The following RNF150 variants were observed in gnomAD, a reference collection of about 807,000 sequenced individuals.
The protein encoded by RNF150 is ring finger protein 150.
Under a neutral mutation model 39.3 loss-of-function variants are expected in RNF150, and 24 were observed. The observed-to-expected ratio is 0.61, with a 90% CI of 0.44 to 0.86. RNF150 has a LOEUF of 0.86. Among genes scored for constraint, RNF150 ranks in the 40% least tolerant of loss-of-function variants. The pLI is 0.00. For synonymous variants in RNF150, 255 were observed against 227.3 expected, an observed-to-expected ratio of 1.12 and a Z score of -1.10; for missense variants, 502 against 587.8, an observed-to-expected ratio of 0.85 and a Z score of 1.51.
At chr4:140,880,654 T>C (rs188536844) in intron 6 of RNF150, among the ~76,000 whole-genome samples, 2 of 151,946 alleles carry the variant, frequency 1.3e-5, no homozygotes, top group Admixed American at 1.3e-4. Flanking sequence ...TTTTTGTTTG[T>C]TTGTTTGTTT....
At position 141,189,673 on chromosome 4, in the gene RNF150, C is replaced by T. The variant is rs571663880; in HGVS notation, c.-6+23121G>A. On this transcript the variant is annotated intron_variant, in intron 1 of 7. Transcript: ENST00000420921. ...TGTGGTGGGTTCCAGCCAGTCCGAA[C>T]TTCTCAGTGGCTGCGTTTACACTGT... 2.4e-4 allele frequency among the ~76,000 whole-genome samples: 36 copies of T among 152,284 alleles called. No homozygotes were observed. In the South Asian group the frequency reaches 7.2e-3, roughly 31 times the overall value.
At chr4:141,000,068 GAAGAAGAAGAAGAAGAAGGAGA>G (rs1734595620) in intron 1 of RNF150, among the ~76,000 whole-genome samples, 4 of 95,220 alleles carry the variant, frequency 4.2e-5, no homozygotes, top group African/African-American at 1.2e-4. Context: ...AGAAGAAGAA[GAAGAAGAAGAAGAAGAAGGAGA>G]AGAAGAAGAA....
chr4:141,039,352 G>GA (rs1342824668), intron 1 of RNF150, among the ~76,000 whole-genome samples: 7 of 150,748 alleles, frequency 4.6e-5, no homozygotes, highest in Non-Finnish European at 1.5e-5. Context: ...GGTAGAGAAA[G>GA]AAAGGGGAGG....
chr4:141,052,928 G>A (rs981857511), intron 1 of RNF150, among the ~76,000 whole-genome samples: 1 of 152,116 alleles, frequency 6.6e-6, no homozygotes, highest in African/African-American at 2.4e-5. Flanking sequence ...CCATTTGGTG[G>A]ATCATTTTTG....
At chr4:141,042,193 C>T (rs1005527548) in intron 1 of RNF150, among the ~76,000 whole-genome samples, 1 of 152,024 alleles carries the variant, frequency 6.6e-6, no homozygotes, top group African/African-American at 2.4e-5. Context: ...GAATCAGATT[C>T]AATTTACTTA....
chr4:140,935,462 C>T (rs1482158618), intron 4 of RNF150, among the ~76,000 whole-genome samples: 1 of 152,068 alleles, frequency 6.6e-6, no homozygotes, highest in African/African-American at 2.4e-5. Flanking sequence ...GGGATCAGGA[C>T]ATTTGAAGCC....
intron 1 of RNF150, among the ~76,000 whole-genome samples, chr4:140,973,329 C>A (rs1290792341): frequency 6.6e-6 from 1 of 152,024 alleles, no homozygotes; most frequent in Non-Finnish European, 1.5e-5. Flanking sequence ...GACAATGTCA[C>A]CATGTCTGTT....
In RNF150 at chr4:140,958,789, A is replaced by C. The variant is rs1183348404; in HGVS notation, c.735+8834T>G. Among the ~76,000 whole-genome samples the C allele has an allele frequency of 2.6e-5, 4 of 152,270 alleles. No homozygotes were observed. In the East Asian group the frequency reaches 5.8e-4, roughly 22 times the overall value. ...GATGGGCTATTTTCTTAAAGTACTC[A>C]TCCAGGGGCATGATCAGGGCTGGTG... On this transcript the variant is annotated intron_variant, in intron 2 of 6. Coordinates refer to ENST00000515673, the MANE Select transcript of RNF150 (RefSeq NM_020724.2).
intron 1 of RNF150, among the ~76,000 whole-genome samples, chr4:141,120,367 T>C (rs79437854): frequency 6.5e-4 from 99 of 152,188 alleles, no homozygotes; most frequent in African/African-American, 2.4e-3. Flanking sequence ...ATAAGACTGA[T>C]AGGAGAATCT....
At chr4:141,016,352 TA>T (rs1735272800) in intron 1 of RNF150, among the ~76,000 whole-genome samples, 2 of 152,192 alleles carry the variant, frequency 1.3e-5, no homozygotes, top group African/African-American at 4.8e-5. Context: ...CAAGACAGTT[TA>T]CCATTGCCAT....
intron 1 of RNF150, among the ~76,000 whole-genome samples, chr4:141,206,811 G>C (rs1163206412): frequency 6.6e-6 from 1 of 152,054 alleles, no homozygotes; most frequent in African/African-American, 2.4e-5. Context: ...GCAGGGAAGA[G>C]AGAAGCCAGT....
chr4:141,074,182 T>G (rs1737810268), intron 1 of RNF150, among the ~76,000 whole-genome samples: 1 of 152,064 alleles, frequency 6.6e-6, no homozygotes, highest in Admixed American at 6.6e-5. Context: ...GTGGCTGATA[T>G]TAAGCAATAT....
chr4:140,891,609 T>C (rs887582218), intron 6 of RNF150, among the ~76,000 whole-genome samples: 9 of 152,182 alleles, frequency 5.9e-5, no homozygotes, highest in African/African-American at 1.7e-4. Flanking sequence ...TCGTGGGGGA[T>C]TGGTACCAGG....
At chr4:140,977,921 A>G (rs1397475098) in intron 1 of RNF150, among the ~76,000 whole-genome samples, 1 of 152,140 alleles carries the variant, frequency 6.6e-6, no homozygotes, top group Non-Finnish European at 1.5e-5. Flanking sequence ...ACTAGGGAGA[A>G]GTTAGTACTA....
At chr4:140,897,096 G>T (rs140822841) in intron 6 of RNF150, among the ~76,000 whole-genome samples, 3 of 152,274 alleles carry the variant, frequency 2.0e-5, no homozygotes, top group African/African-American at 7.2e-5. Context: ...TCTTAAGAAG[G>T]ATCCTCCAAG....
intron 1 of RNF150, among the ~76,000 whole-genome samples, chr4:141,092,657 T>C (rs1039200334): frequency 6.6e-6 from 1 of 151,946 alleles, no homozygotes; most frequent in Non-Finnish European, 1.5e-5. Context: ...CCAGAGGATA[T>C]AAAGTGAGTA....
intron 1 of RNF150, among the ~76,000 whole-genome samples, chr4:140,969,566 T>G (rs2111428217): frequency 6.6e-6 from 1 of 152,228 alleles, no homozygotes; most frequent in Non-Finnish European, 1.5e-5. Context: ...CTAGTGAGGC[T>G]CATCCTGGTG....
chr4:140,983,859 C>T (rs1008134334), intron 1 of RNF150, among the ~76,000 whole-genome samples: 4 of 151,516 alleles, frequency 2.6e-5, no homozygotes, highest in African/African-American at 9.7e-5. Context: ...CGTGTCTCAG[C>T]CTCTCGAGTA....
chr4:140,907,240 C>T (rs185204510), intron 6 of RNF150, among the ~76,000 whole-genome samples: 19 of 152,234 alleles, frequency 1.2e-4, no homozygotes, highest in African/African-American at 4.6e-4. Context: ...GGCATTCATA[C>T]AAATGACCAC....
Sources: allele counts gnomAD v4.1 joint callset (sites outside exome capture counted in the v4.1 genomes callset), GRCh38; gene constraint gnomAD v4.1.1; transcripts MANE v1.5; gene names NCBI Gene and HGNC (gene_info 2026-07-23, HGNC 2026-07-21).